PCDHA9: variants seen among roughly 807,000 people sequenced by gnomAD.
PCDHA9 encodes protocadherin alpha-9.
PCDHA9 carries 62 observed loss-of-function variants against 62.0 expected under a neutral mutation model. That is an observed-to-expected ratio of 1.00 (90% CI 0.81 to 1.23). The LOEUF is 1.23. Among genes scored for constraint, PCDHA9 ranks in the 50% most tolerant of loss-of-function variants. The pLI, the probability that PCDHA9 is intolerant of heterozygous loss-of-function variation, is 0.00. For missense variants in PCDHA9, 1,205 were observed against 1,249.8 expected (o/e 0.96, Z 0.54); for synonymous variants, 557 against 567.6 (o/e 0.98, Z 0.27).
intron 1 of PCDHA9, chr5:140,857,826 T>A (rs782420102): frequency 6.3e-7 from 1 of 1,597,464 alleles, no homozygotes; most frequent in South Asian, 1.1e-5. Context: ...GTGGCTAAGG[T>A]GCGCGCAGTG....
Position 140,850,860 on chromosome 5 carries a change from C to A in PCDHA9, c.2365C>A (p.Pro789Thr), listed in dbSNP as rs2150500728. ...CAGSTERTGE[P>T]SASSDSTGKP... ...TGGATCTACAGAGCGAACGGGAGAACCCTCTGCTTCCTCAGATTCAACTGG... is the reference window on the plus strand; with the variant it reads ...TGGATCTACAGAGCGAACGGGAGAAACCTCTGCTTCCTCAGATTCAACTGG... The change falls in exon 1 of 4, where the codon CCC (proline) becomes ACC (threonine). Residue 789 changes from proline to threonine, a missense_variant. Physicochemically the swap from Pro to Thr is conservative, Grantham distance 38. Coordinates refer to ENST00000532602, the MANE Select transcript of PCDHA9 (RefSeq NM_031857.2). The A allele has an allele frequency of 3.1e-6, 5 of 1,593,234 alleles. 1 individual carries two copies. Among genetic ancestry groups the A allele is most frequent in the Non-Finnish European group, 4.3e-6 (5 of 1,164,206 alleles).
At chr5:140,865,006 T>C (rs1171249709) in intron 1 of PCDHA9, 2 of 152,174 alleles carry the variant, frequency 1.3e-5, no homozygotes, top group Non-Finnish European at 2.9e-5. Context: ...GAGACCAGCC[T>C]CGGCAACATA....
At chr5:140,962,541 A>AGTT (rs2095690394) in intron 1 of PCDHA9, among the ~76,000 whole-genome samples, 1 of 152,220 alleles carries the variant, frequency 6.6e-6, no homozygotes, top group Non-Finnish European at 1.5e-5. Flanking sequence ...AGAACTAAAA[A>AGTT]TGTAGAGGAT....
chr5:140,856,809 A>G lies in PCDHA9; in HGVS notation c.2394+5920A>G, dbSNP rs782118456. 11 of 1,594,544 alleles carry G rather than the reference A, an allele frequency of 6.9e-6. No homozygotes were observed. The African/African-American group carries it at 1.3e-4, about 20-fold the overall frequency. ...TATGAAGTTAAGATGTATGAAAATCAAGTGAACCAAACATTAGTAATACGG... is the reference window on the plus strand; with the variant it reads ...TATGAAGTTAAGATGTATGAAAATCGAGTGAACCAAACATTAGTAATACGG... On this transcript the variant is annotated intron_variant, in intron 1 of 3. Coordinates refer to ENST00000532602, the MANE Select transcript of PCDHA9 (RefSeq NM_031857.2).
chr5:140,862,692 G>C, intron 1 of PCDHA9: 1 of 555,502 alleles, frequency 1.8e-6, no homozygotes, highest in Non-Finnish European at 3.6e-6. Flanking sequence ...TGTCCTACTC[G>C]TTGATGGAAC....
At position 140,926,980 on chromosome 5, in the gene PCDHA9, A is replaced by T. The variant is rs781916280; in HGVS notation, c.2395-51969A>T. ...GCTCGAGTACTCAGTGCCGGAGGAG[A>T]CGGAGCGGGGCGTAGCCGTAGGCAA... On this transcript the variant is annotated intron_variant, in intron 1 of 3. Transcript: ENST00000532602. The T allele has an allele frequency of 1.9e-6, 3 of 1,610,246 alleles. No individual in the cohort carries two copies. The Admixed American group carries it at 5.0e-5, about 27-fold the overall frequency.
chr5:140,883,693 C>T (rs2059756382), intron 1 of PCDHA9: 2 of 1,613,790 alleles, frequency 1.2e-6, no homozygotes, highest in Non-Finnish European at 1.7e-6. Flanking sequence ...GCCACATCTT[C>T]ACGGTGTCTG....
chr5:140,961,007 T>C (rs2095583572), intron 1 of PCDHA9, among the ~76,000 whole-genome samples: 1 of 152,230 alleles, frequency 6.6e-6, no homozygotes, highest in Non-Finnish European at 1.5e-5. Context: ...GCTGCTGGAC[T>C]GCATGGACAC....
intron 1 of PCDHA9, chr5:140,928,749 T>A: frequency 1.2e-6 from 2 of 1,614,194 alleles, no homozygotes; most frequent in Non-Finnish European, 1.7e-6. Flanking sequence ...GTGAGCTCCG[T>A]ACTGCTCGCT....
chr5:140,850,928 T>A (rs2150502915), intron 1 of PCDHA9, 39 bp downstream of exon 1: 1 of 1,520,688 alleles, frequency 6.6e-7, no homozygotes, highest in Non-Finnish European at 8.8e-7. Context: ...ATATAATTTT[T>A]TTTCTTGAAA....
chr5:140,868,603 T>C (rs1554162122), intron 1 of PCDHA9: 2 of 153,246 alleles, frequency 1.3e-5, no homozygotes, highest in Non-Finnish European at 2.9e-5. Flanking sequence ...TAGTTTTTCA[T>C]GAGGCCACCT....
chr5:140,868,706 CAA>C (rs1562618527), intron 1 of PCDHA9: 1 of 185,252 alleles, frequency 5.4e-6, no homozygotes, highest in Non-Finnish European at 1.1e-5. Flanking sequence ...AACATAGACA[CAA>C]TAATTTAAAT....
rs34755515 is a variant in PCDHA9 at position 141,000,421 on chromosome 5, A to ATTT, written c.2543-9185_2543-9183dup. 5.4e-3 allele frequency among the ~76,000 whole-genome samples: 150 copies of ATTT among 27,982 alleles called. 11 individuals are homozygous for ATTT. Among genetic ancestry groups the ATTT allele is most frequent in the Non-Finnish European group, 6.0e-3 (106 of 17,660 alleles). The allele number at this position is 27,982 out of a possible 152,430, so 18.4% of individuals were successfully genotyped here. On this transcript the variant is annotated intron_variant, in intron 3 of 3. Coordinates refer to ENST00000532602, the MANE Select transcript of PCDHA9 (RefSeq NM_031857.2). ...TATATATATATATATATATATATAT[A>ATTT]TTTTTTTTTTTTTTTTTTTTTTTGA...
At chr5:140,877,649 C>A (rs369703340) in intron 1 of PCDHA9, 1 of 1,613,438 alleles carries the variant, frequency 6.2e-7, no homozygotes, top group Non-Finnish European at 8.5e-7. Context: ...TGCTCAGCGC[C>A]GCCCACCGTG....
Position 140,875,563 on chromosome 5 carries a change from C to T in PCDHA9, c.2394+24674C>T, listed in dbSNP as rs1554167760. The T allele has an allele frequency of 3.1e-6, 5 of 1,614,014 alleles. No homozygotes were observed. The Admixed American group carries it at 8.3e-5, about 27-fold the overall frequency. ...AGCCTGGGAGGTGGGGAGCGGCCAG[C>T]TCCACTACTCCGTCTACGAGGAGGC... On this transcript the variant is annotated intron_variant, in intron 1 of 3. Transcript: ENST00000532602.
chr5:140,851,523 C>T lies in PCDHA9; in HGVS notation c.2394+634C>T, dbSNP rs1562479634. The T allele has an allele frequency of 1.1e-5, 10 of 902,364 alleles. 2 individuals are homozygous for T. The highest frequency in any genetic ancestry group is 1.4e-5 in the Non-Finnish European group (10 of 740,586). 55.9% of individuals were successfully genotyped at this position (902,364 alleles called of 1,614,324 possible). A position where few individuals can be genotyped will look rare whatever the true frequency, so the allele number is the denominator to read the frequency against. On this transcript the variant is annotated intron_variant, in intron 1 of 3. Coordinates refer to ENST00000532602, the MANE Select transcript of PCDHA9 (RefSeq NM_031857.2). The stretch of plus-strand genomic sequence containing the variant: ...CTTATATAAAATATGTTTTAAAATG[C>T]CTGACAATGTAGATAATTCAAGAAA...
At chr5:140,967,758 A>G (rs781815948) in intron 1 of PCDHA9, 8 of 1,614,162 alleles carry the variant, frequency 5.0e-6, no homozygotes, top group Non-Finnish European at 5.9e-6. Context: ...GCCTCCTCCT[A>G]CCAGATCTAT....
At chr5:140,939,285 T>A (rs2092357056) in intron 1 of PCDHA9, among the ~76,000 whole-genome samples, 1 of 152,108 alleles carries the variant, frequency 6.6e-6, no homozygotes, top group Admixed American at 6.5e-5. Flanking sequence ...GCCCTCGTGA[T>A]CTAATCATCT....
intron 1 of PCDHA9, chr5:140,855,912 G>C: frequency 1.7e-6 from 2 of 1,172,642 alleles, no homozygotes; most frequent in Non-Finnish European, 2.4e-6. Flanking sequence ...GTTTCTCAAG[G>C]ACTAGGAAGT....
Sources: allele counts gnomAD v4.1 joint callset (sites outside exome capture counted in the v4.1 genomes callset), GRCh38; gene constraint gnomAD v4.1.1; transcripts MANE v1.5; gene names NCBI Gene and HGNC (gene_info 2026-07-23, HGNC 2026-07-21).